ENTPD1: variants seen among roughly 807,000 people sequenced by gnomAD.
ENTPD1 encodes ectonucleoside triphosphate diphosphohydrolase 1, also known as ATP diphosphohydrolase.
A neutral mutation model predicts 57.0 loss-of-function variants in ENTPD1; 33 were observed. The ratio of observed to expected loss-of-function variants is 0.58; its 90% CI spans 0.44 to 0.77. The LOEUF (loss-of-function observed/expected upper bound fraction) is 0.77, where lower values mean the gene tolerates loss of function less well. Ranked by LOEUF, ENTPD1 falls within the 30% of genes least tolerant of loss-of-function variation. ENTPD1 has a pLI of 0.00. For missense variants in ENTPD1, 501 were observed against 603.4 expected (o/e 0.83, Z 1.78); for synonymous variants, 202 against 218.8 (o/e 0.92, Z 0.68).
intron 1 of ENTPD1, among the ~76,000 whole-genome samples, chr10:95,799,652 C>T (rs1484954039): frequency 6.6e-6 from 1 of 152,090 alleles, no homozygotes; most frequent in African/African-American, 2.4e-5. Context: ...GGTATATATC[C>T]AGTAATGGGA....
rs10701222 is a variant in ENTPD1 at position 95,742,541 on chromosome 10, C to CTT, written c.37+30560_37+30561dup. 4.8e-3 allele frequency among the ~76,000 whole-genome samples: 679 copies of CTT among 140,680 alleles called. 2 individuals are homozygous for CTT. Among genetic ancestry groups the CTT allele is most frequent in the African/African-American group, 0.013 (489 of 38,042 alleles). The allele number at this position is 140,680 out of a possible 152,430, so 92.3% of individuals were successfully genotyped here. On this transcript the variant is annotated intron_variant, in intron 1 of 9. Transcript: ENST00000453258. ...CTTCTTCTTCTTCTTTTTCTTTTTT[C>CTT]TTTTTTTTTTTTTAGACCAATGGGA...
In ENTPD1 at chr10:95,791,871, T is replaced by A. The variant is rs1489128642; in HGVS notation, c.17-31366T>A. ...TCTAAGGATCCTTTCAACTTTGAGA[T>A]TTTTTTTTGGTTTGAAAAAGAGAAA... is the stretch of plus-strand genomic sequence containing the variant. On this transcript the variant is annotated intron_variant, in intron 1 of 9. Transcript: ENST00000371205. The surrounding 1 kb of genome is among the most constrained non-coding windows in gnomAD (Gnocchi z 4.1). Among the ~76,000 whole-genome samples the A allele has an allele frequency of 6.6e-6, 1 of 151,500 alleles. No homozygotes were observed. The highest frequency in any genetic ancestry group is 2.4e-5 in the African/African-American group (1 of 41,258).
chr10:95,746,625 A>G (rs2098006343), intron 1 of ENTPD1, among the ~76,000 whole-genome samples: 1 of 152,158 alleles, frequency 6.6e-6, no homozygotes, highest in African/African-American at 2.4e-5. Flanking sequence ...CACTCCTACT[A>G]CTTTCCACAA....
At chr10:95,783,126 A>G (rs1351346649) in intron 1 of ENTPD1, among the ~76,000 whole-genome samples, 2 of 152,124 alleles carry the variant, frequency 1.3e-5, no homozygotes, top group South Asian at 4.1e-4. Context: ...GAATTTTGTA[A>G]ACTGTTTTTG....
intron 3 of ENTPD1, among the ~76,000 whole-genome samples, chr10:95,841,615 T>C (rs1369324841): frequency 6.6e-6 from 1 of 152,226 alleles, no homozygotes; most frequent in South Asian, 2.1e-4. Context: ...ATTTGAATAA[T>C]TATCCTTAAA....
Position 95,872,001 on chromosome 10 carries a change from C to CA in ENTPD1, c.*5619dup, listed in dbSNP as rs2098480991. ...ACCCAGTTCCTCCTCCTGTGTTTTA[C>CA]ATGATTAATGCCACCCCTGCCTCAA... On this transcript the variant is annotated 3_prime_UTR_variant, in exon 10 of 10. Coordinates refer to ENST00000371205, the MANE Select transcript of ENTPD1 (RefSeq NM_001776.6). The CA allele has an allele frequency of 1.0e-6, 1 of 985,300 alleles. No homozygotes were observed. Among genetic ancestry groups the CA allele is most frequent in the South Asian group, 4.7e-5 (1 of 21,290 alleles). The allele number at this position is 985,300 out of a possible 1,614,324, so 61.0% of individuals were successfully genotyped here. A position where few individuals can be genotyped will look rare whatever the true frequency, so the allele number is the denominator to read the frequency against.
chr10:95,738,484 T>G (rs2097996939), intron 1 of ENTPD1, among the ~76,000 whole-genome samples: 1 of 152,146 alleles, frequency 6.6e-6, no homozygotes, highest in African/African-American at 2.4e-5. Flanking sequence ...GTCCCATCAT[T>G]TTCCTGCACC....
intron 1 of ENTPD1, among the ~76,000 whole-genome samples, chr10:95,820,086 A>T (rs1288821464): frequency 1.3e-5 from 2 of 152,200 alleles, no homozygotes; most frequent in East Asian, 3.8e-4. Flanking sequence ...AGATATGTCA[A>T]CCTGCACCCC....
At chr10:95,783,572 A>G (rs1452919444) in intron 1 of ENTPD1, among the ~76,000 whole-genome samples, 2 of 151,624 alleles carry the variant, frequency 1.3e-5, no homozygotes, top group Non-Finnish European at 2.9e-5. Context: ...TCTTTTCCCA[A>G]CCCCTTCTTT....
At position 95,809,645 on chromosome 10, in the gene ENTPD1, C is replaced by T. The variant is rs1465901938; in HGVS notation, c.17-13592C>T. On this transcript the variant is annotated intron_variant, in intron 1 of 9. Coordinates refer to ENST00000371205, the MANE Select transcript of ENTPD1 (RefSeq NM_001776.6). Reference sequence around the variant, plus strand: ...CCCACCTCCCAGACGGGGCGGATGCCGGGCAGAGGTGCTCCCCACCTCCCA... The same window carrying T: ...CCCACCTCCCAGACGGGGCGGATGCTGGGCAGAGGTGCTCCCCACCTCCCA... 1.2e-4 allele frequency among the ~76,000 whole-genome samples: 17 copies of T among 140,918 alleles called. No individual in the cohort carries two copies. The South Asian group carries it at 2.1e-3, about 18-fold the overall frequency. 92.4% of individuals were successfully genotyped at this position (140,918 alleles called of 152,430 possible). A position where few individuals can be genotyped will look rare whatever the true frequency, so the allele number is the denominator to read the frequency against.
At chr10:95,790,643 C>T (rs1181337596) in intron 1 of ENTPD1, among the ~76,000 whole-genome samples, 1 of 152,034 alleles carries the variant, frequency 6.6e-6, no homozygotes, top group Non-Finnish European at 1.5e-5. Flanking sequence ...CCCAACCATA[C>T]CTTTTTGCTG....
intron 3 of ENTPD1, among the ~76,000 whole-genome samples, chr10:95,840,021 T>C (rs536699737): frequency 1.3e-5 from 2 of 152,348 alleles, no homozygotes; most frequent in East Asian, 1.9e-4. Context: ...CACATAAATA[T>C]AATTAATAGT....
chr10:95,755,708 A>G, upstream of ENTPD1: 1 of 1,537,208 alleles, frequency 6.5e-7, no homozygotes, highest in African/African-American at 1.4e-5. Flanking sequence ...ATGGGACCAG[A>G]GGCTTTATGG....
chr10:95,803,372 G>A (rs192366137), intron 1 of ENTPD1, among the ~76,000 whole-genome samples: 13 of 152,274 alleles, frequency 8.5e-5, no homozygotes, highest in South Asian at 4.1e-4. Context: ...AGCATCTGTC[G>A]TTTCCTGACT....
At chr10:95,724,937 C>G (rs912032697) in intron 1 of ENTPD1, among the ~76,000 whole-genome samples, 1 of 152,164 alleles carries the variant, frequency 6.6e-6, no homozygotes, top group Non-Finnish European at 1.5e-5. Flanking sequence ...ACATTTTCTG[C>G]TCATTTTTTC....
intron 1 of ENTPD1, among the ~76,000 whole-genome samples, chr10:95,807,560 T>A (rs887359985): frequency 3.9e-5 from 6 of 152,188 alleles, no homozygotes; most frequent in African/African-American, 1.4e-4. Context: ...GTACCTCAAT[T>A]GGAAATGCAG....
chr10:95,738,441 G>C (rs993710758), intron 1 of ENTPD1, among the ~76,000 whole-genome samples: 1 of 152,186 alleles, frequency 6.6e-6, no homozygotes, highest in Non-Finnish European at 1.5e-5. Flanking sequence ...CCCCTTGCTT[G>C]GCCAGATCAG....
At chr10:95,722,263 G>T (rs533537365) in intron 1 of ENTPD1, among the ~76,000 whole-genome samples, 1 of 149,066 alleles carries the variant, frequency 6.7e-6, no homozygotes, top group East Asian at 2.0e-4. Context: ...CAAGTTCATT[G>T]TTTTTTTGTT....
intron 1 of ENTPD1, among the ~76,000 whole-genome samples, chr10:95,796,325 C>T (rs973697773): frequency 8.5e-5 from 13 of 152,072 alleles, no homozygotes; most frequent in Admixed American, 3.3e-4. Flanking sequence ...GAGGGTATTT[C>T]GTCCATCATT....
Sources: allele counts gnomAD v4.1 joint callset (sites outside exome capture counted in the v4.1 genomes callset), GRCh38; gene constraint gnomAD v4.1.1; non-coding constraint Gnocchi (gnomAD v3.1); transcripts MANE v1.5; gene names NCBI Gene and HGNC (gene_info 2026-07-23, HGNC 2026-07-21).